Variants in ITGA2 observed in about 807,000 individuals in gnomAD.
ITGA2 encodes the protein integrin alpha-2.
In ITGA2, 101 loss-of-function variants were observed where a neutral mutation model predicts 146.3. The ratio of observed to expected loss-of-function variants is 0.69; its 90% CI spans 0.59 to 0.81. The LOEUF (loss-of-function observed/expected upper bound fraction) is 0.81, where lower values mean the gene tolerates loss of function less well. ITGA2 is among the 40% of genes least tolerant of loss of function. The pLI is 0.00. For synonymous variants in ITGA2, 477 were observed against 487.1 expected (o/e 0.98, Z 0.27); for missense variants, 1,281 against 1,402.7 (o/e 0.91, Z 1.39).
At chr5:53,083,044 G>A (rs1579907127) in intron 26 of ITGA2, among the ~76,000 whole-genome samples, 1 of 152,054 alleles carries the variant, frequency 6.6e-6, no homozygotes, top group Admixed American at 6.6e-5. Context: ...AGAAATAGTA[G>A]TGCAATAAAC....
intron 2 of ITGA2, among the ~76,000 whole-genome samples, chr5:53,041,262 T>C (rs564666308): frequency 1.6e-4 from 24 of 152,274 alleles, no homozygotes; most frequent in African/African-American, 3.4e-4. Flanking sequence ...TGAGTGCTTC[T>C]GCAAGAAAAC....
At chr5:53,074,213 A>G (rs1210388039) in intron 20 of ITGA2, among the ~76,000 whole-genome samples, 172 bp from the exon 21 acceptor site, 1 of 151,988 alleles carries the variant, frequency 6.6e-6, no homozygotes, top group Non-Finnish European at 1.5e-5. Context: ...TAAAAGTAGT[A>G]TATTAGCCAC....
At chr5:53,011,737 G>C (rs894712262) in intron 1 of ITGA2, among the ~76,000 whole-genome samples, 1 of 97,678 alleles carries the variant, frequency 1.0e-5, no homozygotes, top group African/African-American at 4.0e-5. Flanking sequence ...ATATGTGAGT[G>C]GGGGGGAGTG....
intron 12 of ITGA2, among the ~76,000 whole-genome samples, chr5:53,061,719 C>G (rs1443127887): frequency 6.6e-6 from 1 of 151,806 alleles, no homozygotes; most frequent in Non-Finnish European, 1.5e-5. Flanking sequence ...CAGTTTTGAC[C>G]CAGGGGCTTG....
At chr5:53,053,357 C>T (rs1744479198) in intron 7 of ITGA2, among the ~76,000 whole-genome samples, 1 of 152,172 alleles carries the variant, frequency 6.6e-6, no homozygotes, top group Non-Finnish European at 1.5e-5. Context: ...GCCAGGCCAT[C>T]TCATAAGCTG....
intron 1 of ITGA2, among the ~76,000 whole-genome samples, chr5:52,993,749 G>A (rs949425568): frequency 7.9e-5 from 12 of 152,174 alleles, no homozygotes; most frequent in Admixed American, 5.2e-4. Context: ...AGAATTTCAG[G>A]AAGAATGGGG....
At chr5:52,992,879 G>T (rs1267516127) in intron 1 of ITGA2, among the ~76,000 whole-genome samples, 1 of 151,908 alleles carries the variant, frequency 6.6e-6, no homozygotes, top group Non-Finnish European at 1.5e-5. Flanking sequence ...ATGCTTTCCT[G>T]AACACAAATA....
chr5:53,029,166 A>T (rs1421588525), intron 2 of ITGA2, among the ~76,000 whole-genome samples: 4 of 152,030 alleles, frequency 2.6e-5, no homozygotes, highest in Non-Finnish European at 5.9e-5. Flanking sequence ...CAGCTACTCC[A>T]GAGTCTGAGG....
intron 26 of ITGA2, among the ~76,000 whole-genome samples, chr5:53,083,138 G>A (rs543778475): frequency 9.9e-5 from 15 of 152,226 alleles, no homozygotes; most frequent in Admixed American, 7.9e-4. Context: ...GGTAAAGAGT[G>A]TGCACTTGGT....
intron 4 of ITGA2, among the ~76,000 whole-genome samples, chr5:53,047,128 G>A (rs1744128325): frequency 6.6e-6 from 1 of 152,058 alleles, no homozygotes; most frequent in Admixed American, 6.5e-5. Flanking sequence ...CATGAAATAT[G>A]GCCAAAGCTG....
chr5:53,033,173 G>A, intron 2 of ITGA2, among the ~76,000 whole-genome samples: 1 of 152,126 alleles, frequency 6.6e-6, no homozygotes, highest in East Asian at 1.9e-4. Context: ...GGAGGCTGAG[G>A]CAGGAGAATC....
In ITGA2 at chr5:53,045,149, G is replaced by A. The variant is rs117617096; in HGVS notation, c.387+57G>A. On this transcript the variant is annotated intron_variant, in intron 4 of 29. Coordinates refer to ENST00000296585, the MANE Select transcript of ITGA2 (RefSeq NM_002203.4). ...CTCAAGAAAGTACATAGACAGTAGTGTCTTCTCACCATCCCTCCCAATCTG... is the reference window on the plus strand; with the variant it reads ...CTCAAGAAAGTACATAGACAGTAGTATCTTCTCACCATCCCTCCCAATCTG... 2,323 of 1,274,622 alleles carry A rather than the reference G, an allele frequency of 1.8e-3. 44 individuals carry two copies. The South Asian group carries it at 0.023, about 13-fold the overall frequency. 79.0% of individuals were successfully genotyped at this position (1,274,622 alleles called of 1,614,324 possible).
chr5:53,066,523 G>T (rs1180858829), intron 15 of ITGA2, among the ~76,000 whole-genome samples: 3 of 151,882 alleles, frequency 2.0e-5, no homozygotes, highest in African/African-American at 7.2e-5. Flanking sequence ...TATTGGGCCG[G>T]CAAGGGAATA....
intron 1 of ITGA2, among the ~76,000 whole-genome samples, chr5:52,996,691 G>C (rs1196657736): frequency 6.6e-6 from 1 of 152,156 alleles, no homozygotes; most frequent in African/African-American, 2.4e-5. Context: ...TGTTTTTAGG[G>C]CATGTAATAT....
In ITGA2 at chr5:53,067,114, T is replaced by C. The variant is rs778265189; in HGVS notation, c.1944-4T>C. 32 of 1,609,800 alleles carry C rather than the reference T, an allele frequency of 2.0e-5. No individual in the cohort carries two copies. Among genetic ancestry groups the C allele is most frequent in the Middle Eastern group, 1.7e-4 (1 of 5,810 alleles). On this transcript the variant is annotated splice_region_variant and splice_polypyrimidine_tract_variant and intron_variant, in intron 15 of 29. Coordinates refer to ENST00000296585, the MANE Select transcript of ITGA2 (RefSeq NM_002203.4). ...ATCCATCTGTTACTCTTTATGTCTT[T>C]TAGGTCACAAAGTATTGCTGATGTA... is the stretch of plus-strand genomic sequence containing the variant.
Position 53,091,096 on chromosome 5 carries a change from G to C in ITGA2, c.*497G>C. On this transcript the variant is annotated 3_prime_UTR_variant, in exon 30 of 30. Transcript: ENST00000296585. ...TAACAAGAGGGGAAAACAAAACACA[G>C]GTTTTTTCAATTTATGCTGCTCATC... The C allele has an allele frequency of 4.7e-6, 1 of 211,158 alleles. No individual in the cohort carries two copies. Among genetic ancestry groups the C allele is most frequent in the Non-Finnish European group, 9.4e-6 (1 of 106,398 alleles). 13.1% of individuals were successfully genotyped at this position (211,158 alleles called of 1,614,324 possible). A position where few individuals can be genotyped will look rare whatever the true frequency, so the allele number is the denominator to read the frequency against.
chr5:53,052,050 A>G (rs182626370), intron 7 of ITGA2, among the ~76,000 whole-genome samples: 7 of 152,046 alleles, frequency 4.6e-5, no homozygotes, highest in Admixed American at 2.0e-4. Context: ...CAATTTCTCT[A>G]TTTTCTCAGA....
chr5:52,999,787 A>G (rs758928366), intron 1 of ITGA2, among the ~76,000 whole-genome samples: 3 of 152,226 alleles, frequency 2.0e-5, no homozygotes, highest in Admixed American at 6.5e-5. Flanking sequence ...CTTGCATCTC[A>G]GGCATACTCA....
Position 53,090,680 on chromosome 5 carries a change from T to C in ITGA2, c.*81T>C. On this transcript the variant is annotated 3_prime_UTR_variant, in exon 30 of 30. Transcript: ENST00000296585. ...TTGCGTGAATGGATTTCTTTTTAAA[T>C]CCCATATTTTTTTTATCATGTCGTA... 1 of 1,127,876 alleles carries C rather than the reference T, an allele frequency of 8.9e-7. No individual in the cohort carries two copies. The highest frequency in any genetic ancestry group is 1.3e-6 in the Non-Finnish European group (1 of 749,922). 69.9% of individuals were successfully genotyped at this position (1,127,876 alleles called of 1,614,324 possible).
Sources: gnomAD v4.1 joint callset for allele counts (sites outside exome capture counted in the v4.1 genomes callset) on GRCh38, gnomAD v4.1.1 for gene constraint, MANE v1.5 for transcripts, NCBI Gene and HGNC (gene_info 2026-07-23, HGNC 2026-07-21) for gene names.